Variants in ADGRF1 observed in about 807,000 individuals in gnomAD.
The protein encoded by ADGRF1 is G protein-coupled receptor 110.
ADGRF1 carries 85 observed loss-of-function variants against 87.2 expected under a neutral mutation model. The ratio of observed to expected loss-of-function variants is 0.97; its 90% CI spans 0.82 to 1.17. The LOEUF (loss-of-function observed/expected upper bound fraction) is 1.17. Ranked by LOEUF, ADGRF1 falls within the 50% of genes most tolerant of loss-of-function variation. The pLI, the probability that ADGRF1 is intolerant of heterozygous loss-of-function variation, is 0.00. For missense variants in ADGRF1, 1,169 were observed against 1,077.2 expected, an observed-to-expected ratio of 1.09 and a Z score of -1.19; for synonymous variants, 430 against 408.8, an observed-to-expected ratio of 1.05 and a Z score of -0.63.
At chr6:47,020,096 T>C in intron 7 of ADGRF1, 3 of 1,018,138 alleles carry the variant, frequency 2.9e-6, no homozygotes, top group Non-Finnish European at 3.5e-6. Flanking sequence ...CTTTTTCCCA[T>C]CCACTGTCAC....
chr6:47,032,510 G>C (rs1780458164), intron 1 of ADGRF1, among the ~76,000 whole-genome samples: 1 of 152,154 alleles, frequency 6.6e-6, no homozygotes, highest in South Asian at 2.1e-4. Flanking sequence ...CTAGTCAAAG[G>C]TGGGAAAAAA....
Position 47,005,844 on chromosome 6 carries a change from G to A in ADGRF1, c.2565C>T (p.Ala855=), listed in dbSNP as rs1779510160. The A allele has an allele frequency of 6.2e-7, 1 of 1,611,622 alleles. No homozygotes were observed. The highest frequency in any genetic ancestry group is 1.7e-5 in the Admixed American group (1 of 59,520). Residue 855 remains alanine, a synonymous_variant, in exon 13 of 15, where the codon GCC becomes GCT. Transcript: ENST00000371253. ...TTTCTGTTTGCTTCCAAGAACTTAA[G>A]GCAGACAACTTGTTGAACAGAAGTT... The part of the protein sequence containing the change: ...LRQLLFNKLS[A]LSSWKQTEKQ...
chr6:47,014,866 A>C (rs113653411), intron 8 of ADGRF1, 22 bp from the exon 9 acceptor site: 1 of 1,578,264 alleles, frequency 6.3e-7, no homozygotes. Context: ...AGAAAACAAC[A>C]AAGAAAAATG....
intron 13 of ADGRF1, 27 bp downstream of exon 13, chr6:47,005,790 G>A (rs540871426): frequency 2.6e-6 from 4 of 1,560,108 alleles, no homozygotes; most frequent in Non-Finnish European, 2.6e-6. Flanking sequence ...TTCATGTATT[G>A]GATTCATGGC....
intron 12 of ADGRF1, 36 bp downstream of exon 12, chr6:47,007,217 A>C (rs1163080989): frequency 2.2e-6 from 3 of 1,389,804 alleles, no homozygotes; most frequent in African/African-American, 2.9e-5. Context: ...TAAGATGTCT[A>C]GGCTAGGGGT....
chr6:47,000,254 T>C lies in ADGRF1; in HGVS notation c.2701A>G (p.Ile901Val), dbSNP rs780141838. 8 of 1,608,390 alleles carry C rather than the reference T, an allele frequency of 5.0e-6. No homozygotes were observed. The highest frequency in any genetic ancestry group is 4.2e-6 in the Non-Finnish European group (5 of 1,176,676). The change falls in exon 15 of 15, where the codon ATC (isoleucine) becomes GTC (valine). Residue 901 changes from isoleucine (I) to valine (V), a missense_variant. Physicochemically the swap from Ile to Val is conservative, Grantham distance 29. Coordinates refer to ENST00000371253, the MANE Select transcript of ADGRF1 (RefSeq NM_153840.4). ...TTTGAGACAAACTGAGTTAGCATGA[T>C]GTTGTCGGAGGAATCTCCAGTATGA... ...FSHTGDSSDN[I>V]MLTQFVSNE
intron 1 of ADGRF1, among the ~76,000 whole-genome samples, chr6:47,037,748 A>G (rs1048741352): frequency 1.3e-5 from 2 of 152,154 alleles, no homozygotes; most frequent in Non-Finnish European, 2.9e-5. Flanking sequence ...CCTGGGCTCA[A>G]GTGATCCTTC....
intron 1 of ADGRF1, among the ~76,000 whole-genome samples, chr6:47,041,444 C>T (rs1350755450): frequency 6.6e-6 from 1 of 152,166 alleles, no homozygotes; most frequent in Non-Finnish European, 1.5e-5. Context: ...GACCTTCTTT[C>T]TATATCTCCT....
chr6:47,012,449 T>C (rs1193625384), intron 9 of ADGRF1: 6 of 616,856 alleles, frequency 9.7e-6, no homozygotes, highest in Non-Finnish European at 1.1e-5. Context: ...TTTTCATTCA[T>C]TGAATTCTTT....
chr6:47,014,536 C>T, intron 9 of ADGRF1, 145 bp downstream of exon 9: 1 of 1,437,716 alleles, frequency 7.0e-7, no homozygotes, highest in East Asian at 2.5e-5. Flanking sequence ...CACGGGTTCA[C>T]CAGGGTCTGA....
intron 7 of ADGRF1, chr6:47,019,347 T>C: frequency 1.0e-6 from 1 of 985,220 alleles, no homozygotes; most frequent in Non-Finnish European, 1.2e-6. Flanking sequence ...ACTTAAAGGA[T>C]AATGCCCAGA....
At chr6:47,033,988 C>CTA (rs1486541402) in intron 1 of ADGRF1, among the ~76,000 whole-genome samples, 6 of 152,286 alleles carry the variant, frequency 3.9e-5, no homozygotes, top group East Asian at 1.9e-4. Context: ...CAGGGAAGGT[C>CTA]TATATATATG....
At chr6:47,026,153 C>T in intron 3 of ADGRF1, 150 bp from the exon 4 acceptor site, 1 of 622,568 alleles carries the variant, frequency 1.6e-6, no homozygotes, top group Non-Finnish European at 2.7e-6. Context: ...CATGGACTAA[C>T]AATGAACACT....
In ADGRF1 at chr6:47,024,243, C is replaced by T; in HGVS notation, c.278-26G>A. 4 of 1,582,796 alleles carry T rather than the reference C, an allele frequency of 2.5e-6. No individual in the cohort carries two copies. In the African/African-American group the frequency reaches 4.0e-5, roughly 16 times the overall value. ...CTGCACAAGAAATAGAACTCAGTCT[C>T]ATGGATTCTGGTTTATAAACTGACT... On this transcript the variant is annotated intron_variant, in intron 4 of 14. Transcript: ENST00000371253.
At chr6:47,030,855 C>T (rs1780394700) in intron 1 of ADGRF1, among the ~76,000 whole-genome samples, 1 of 151,866 alleles carries the variant, frequency 6.6e-6, no homozygotes, top group Non-Finnish European at 1.5e-5. Flanking sequence ...CTTCACCTTC[C>T]GGGTTCAAGC....
intron 14 of ADGRF1, among the ~76,000 whole-genome samples, chr6:47,000,745 T>C (rs1024324497): frequency 2.6e-5 from 4 of 152,212 alleles, no homozygotes; most frequent in Non-Finnish European, 5.9e-5. Context: ...ATCTGGAATT[T>C]GAATAATTTC....
Position 47,005,855 on chromosome 6 carries a change from T to C in ADGRF1, c.2554A>G (p.Lys852Glu), listed in dbSNP as rs1269849683. The change falls in exon 13 of 15, where the codon AAG (lysine) becomes GAG (glutamate). Residue 852 changes from lysine (K) to glutamate (E), a missense_variant. By Grantham distance (56) the Lys-to-Glu change is moderately conservative. Coordinates refer to ENST00000371253, the MANE Select transcript of ADGRF1 (RefSeq NM_153840.4). ...TTCCAAGAACTTAAGGCAGACAACTTGTTGAACAGAAGTTGTCGCAGCTAT... is the reference window on the plus strand; with the variant it reads ...TTCCAAGAACTTAAGGCAGACAACTCGTTGAACAGAAGTTGTCGCAGCTAT... ...DSKLRQLLFN[K>E]LSALSSWKQT... The C allele has an allele frequency of 6.2e-7, 1 of 1,612,354 alleles. No homozygotes were observed. Among genetic ancestry groups the C allele is most frequent in the African/African-American group, 1.3e-5 (1 of 75,002 alleles).
chr6:47,027,794 A>C (rs766856209), intron 2 of ADGRF1, 33 bp from the exon 3 acceptor site: 2 of 1,249,774 alleles, frequency 1.6e-6, no homozygotes, highest in Non-Finnish European at 2.4e-6. Flanking sequence ...TTACGGTGAG[A>C]CTTTGAAGAG....
intron 1 of ADGRF1, among the ~76,000 whole-genome samples, chr6:47,029,391 T>C (rs1003101457): frequency 2.6e-5 from 4 of 152,162 alleles, no homozygotes; most frequent in Admixed American, 2.6e-4. Context: ...TGCTTAACAT[T>C]GCAATTAGGT....
Sources: gnomAD v4.1 joint callset for allele counts (sites outside exome capture counted in the v4.1 genomes callset) on GRCh38, gnomAD v4.1.1 for gene constraint, MANE v1.5 for transcripts, NCBI Gene and HGNC (gene_info 2026-07-23, HGNC 2026-07-21) for gene names.